The following FAM13A variants were observed in gnomAD, a reference collection of about 807,000 sequenced individuals.
The protein encoded by FAM13A is family with sequence similarity 13 member A.
FAM13A carries 76 observed loss-of-function variants against 129.6 expected under a neutral mutation model. That is an observed-to-expected ratio of 0.59 (90% CI 0.49 to 0.71). The LOEUF is 0.71. Among genes scored for constraint, FAM13A ranks in the 30% least tolerant of loss-of-function variants. The pLI, the probability that FAM13A is intolerant of heterozygous loss-of-function variation, is 0.00. For missense variants in FAM13A, 1,108 were observed against 1,249.3 expected (o/e 0.89, Z 1.70); for synonymous variants, 443 against 449.9 (o/e 0.98, Z 0.20).
intron 1 of FAM13A, 58 bp from the exon 2 acceptor site, chr4:89,029,707 G>A: frequency 7.2e-7 from 1 of 1,395,356 alleles, no homozygotes; most frequent in Non-Finnish European, 9.9e-7. Flanking sequence ...GAGGTTGCAT[G>A]GTTACAACAG....
At chr4:88,895,053 TA>T (rs890358899) in intron 6 of FAM13A, among the ~76,000 whole-genome samples, 46 of 152,286 alleles carry the variant, frequency 3.0e-4, no homozygotes, top group African/African-American at 1.0e-3. Context: ...TCAAAATGGC[TA>T]AATATGATAT....
At chr4:89,056,387 G>GT (rs1421443884) in intron 1 of FAM13A, among the ~76,000 whole-genome samples, 1 of 152,094 alleles carries the variant, frequency 6.6e-6, no homozygotes, top group African/African-American at 2.4e-5. Flanking sequence ...ATGCTACTGT[G>GT]TTATAACAAC....
In FAM13A at chr4:88,809,232, G is replaced by A. The variant is rs949250496; in HGVS notation, c.1008-4180C>T. ...GGAGAATTCCCAGGGCAAGTACCCA[G>A]AATGGATCTTCAATTACTCGATCAA... On this transcript the variant is annotated intron_variant, in intron 7 of 23. Transcript: ENST00000264344. Among the ~76,000 whole-genome samples the A allele has an allele frequency of 3.3e-5, 5 of 152,054 alleles. No individual in the cohort carries two copies. The South Asian group carries it at 1.0e-3, about 31-fold the overall frequency.
chr4:88,799,531 C>T (rs1380656108), intron 8 of FAM13A, among the ~76,000 whole-genome samples: 1 of 150,928 alleles, frequency 6.6e-6, no homozygotes, highest in African/African-American at 2.4e-5. Flanking sequence ...TGTTGCCAGG[C>T]TGGAGTGCCA....
chr4:88,806,327 G>C (rs1447076603), intron 7 of FAM13A, among the ~76,000 whole-genome samples: 1 of 152,086 alleles, frequency 6.6e-6, no homozygotes, highest in East Asian at 1.9e-4. Context: ...TACCGCATCT[G>C]GGAAAGCAAC....
intron 10 of FAM13A, 62 bp from the exon 11 acceptor site, chr4:88,781,413 C>T (rs2290784): frequency 1.2e-5 from 14 of 1,123,822 alleles, no homozygotes; most frequent in African/African-American, 3.1e-5. Flanking sequence ...GAATGATACT[C>T]TAACTACATC....
At chr4:88,946,911 G>T (rs1755983537) in intron 4 of FAM13A, among the ~76,000 whole-genome samples, 1 of 152,028 alleles carries the variant, frequency 6.6e-6, no homozygotes, top group Non-Finnish European at 1.5e-5. Context: ...TCAAAGAAAT[G>T]CAAGATCATA....
chr4:88,939,887 T>G (rs1396240022), intron 4 of FAM13A, among the ~76,000 whole-genome samples: 1 of 152,152 alleles, frequency 6.6e-6, no homozygotes, highest in Non-Finnish European at 1.5e-5. Context: ...AGAAATGAAC[T>G]CTGCCAACAA....
chr4:88,920,590 A>G (rs1019931690), intron 5 of FAM13A, among the ~76,000 whole-genome samples: 3 of 152,162 alleles, frequency 2.0e-5, no homozygotes, highest in Non-Finnish European at 4.4e-5. Flanking sequence ...ATAAAACCAC[A>G]AAGATGGGGA....
At chr4:88,819,737 C>G (rs2149822186) in intron 7 of FAM13A, among the ~76,000 whole-genome samples, 1 of 152,234 alleles carries the variant, frequency 6.6e-6, no homozygotes, top group South Asian at 2.1e-4. Flanking sequence ...GGAACTTTTT[C>G]CGATGCTAAG....
chr4:88,803,968 G>A (rs893993744), intron 8 of FAM13A, among the ~76,000 whole-genome samples: 1 of 152,090 alleles, frequency 6.6e-6, no homozygotes, highest in Non-Finnish European at 1.5e-5. Flanking sequence ...AAAAGCAGTA[G>A]ACTTCAGGCC....
chr4:88,759,001 C>T, intron 13 of FAM13A, 100 bp from the exon 14 acceptor site: 2 of 1,277,220 alleles, frequency 1.6e-6, no homozygotes, highest in Non-Finnish European at 2.2e-6. Flanking sequence ...TTCCAAGTCA[C>T]AGCTGCTAAT....
chr4:89,025,283 A>G (rs1447717769), intron 2 of FAM13A, among the ~76,000 whole-genome samples: 1 of 74,424 alleles, frequency 1.3e-5, no homozygotes, highest in Non-Finnish European at 2.8e-5. Context: ...TTTGAGACGG[A>G]GTCTCGCTCT....
At chr4:89,015,935 A>C (rs765533195) in intron 3 of FAM13A, among the ~76,000 whole-genome samples, 6 of 152,152 alleles carry the variant, frequency 3.9e-5, no homozygotes, top group Non-Finnish European at 7.4e-5. Context: ...CGTGTATGTT[A>C]ATTATAACAC....
chr4:88,864,179 C>A lies in FAM13A; in HGVS notation c.844-12996G>T, dbSNP rs559291921. The stretch of plus-strand genomic sequence containing the variant: ...ACTGAAAGGTAAAAAGAGAAGTAGT[C>A]AAAGGAATGCTATATTGATGTGGGA... On this transcript the variant is annotated intron_variant, in intron 6 of 23. Transcript: ENST00000264344. 5.3e-5 allele frequency among the ~76,000 whole-genome samples: 8 copies of A among 152,238 alleles called. No individual in the cohort carries two copies. In the South Asian group the frequency reaches 1.5e-3, roughly 28 times the overall value.
chr4:88,955,288 C>G (rs1192428832), intron 4 of FAM13A, among the ~76,000 whole-genome samples: 1 of 151,846 alleles, frequency 6.6e-6, no homozygotes, highest in African/African-American at 2.4e-5. Flanking sequence ...GGGAAAAGAC[C>G]TCTATTAACC....
intron 11 of FAM13A, among the ~76,000 whole-genome samples, chr4:88,780,171 T>C (rs1722574430): frequency 6.6e-6 from 1 of 152,136 alleles, no homozygotes; most frequent in South Asian, 2.1e-4. Flanking sequence ...AAACAATGCA[T>C]TGAGACATTA....
At chr4:88,819,641 G>C (rs1421815340) in intron 7 of FAM13A, among the ~76,000 whole-genome samples, 1 of 152,100 alleles carries the variant, frequency 6.6e-6, no homozygotes. Context: ...GGTAAATTTA[G>C]TCACCTGAGA....
intron 6 of FAM13A, among the ~76,000 whole-genome samples, chr4:88,904,106 G>T (rs1401176919): frequency 1.3e-5 from 2 of 152,132 alleles, no homozygotes; most frequent in African/African-American, 4.8e-5. Context: ...TTATTAAAAA[G>T]TCAAGAAAGA....
Sources: gnomAD v4.1 joint callset for allele counts (sites outside exome capture counted in the v4.1 genomes callset) on GRCh38, gnomAD v4.1.1 for gene constraint, MANE v1.5 for transcripts, NCBI Gene and HGNC (gene_info 2026-07-23, HGNC 2026-07-21) for gene names.